SHLD2: variants seen among roughly 807,000 people sequenced by gnomAD.
The protein encoded by SHLD2 is shieldin complex subunit 2.
Under a neutral mutation model 73.2 loss-of-function variants are expected in SHLD2, and 30 were observed. The ratio of observed to expected loss-of-function variants is 0.41; its 90% CI spans 0.31 to 0.56. The LOEUF is 0.56. SHLD2 is among the 20% of genes least tolerant of loss of function. The probability of loss-of-function intolerance (pLI) is 0.28; values close to 1 mark genes in which losing one functional copy is unlikely to be tolerated. For missense variants in SHLD2, 745 were observed against 1,055.9 expected, an observed-to-expected ratio of 0.71 and a Z score of 4.08; for synonymous variants, 285 against 370.1, an observed-to-expected ratio of 0.77 and a Z score of 2.64.
intron 2 of SHLD2, among the ~76,000 whole-genome samples, chr10:87,141,397 A>G (rs1388517652): frequency 1.3e-5 from 2 of 149,164 alleles, no homozygotes; most frequent in African/African-American, 2.5e-5. Flanking sequence ...CTGGAGTGCA[A>G]TGGCATAGTC....
intron 2 of SHLD2, among the ~76,000 whole-genome samples, chr10:87,124,831 A>G (rs1843880998): frequency 6.6e-6 from 1 of 151,094 alleles, no homozygotes; most frequent in Non-Finnish European, 1.5e-5. Flanking sequence ...GGCAGCCTGA[A>G]CCTCCTGGGC....
intron 2 of SHLD2, among the ~76,000 whole-genome samples, chr10:87,132,136 G>A (rs1844472134): frequency 6.6e-6 from 1 of 152,082 alleles, no homozygotes; most frequent in Non-Finnish European, 1.5e-5. Flanking sequence ...TTAGATACAT[G>A]ATTTTCAAAT....
intron 7 of SHLD2, among the ~76,000 whole-genome samples, chr10:87,178,012 G>C (rs1482662167): frequency 6.6e-6 from 1 of 151,880 alleles, no homozygotes; most frequent in African/African-American, 2.4e-5. Context: ...GAGGTGGGTG[G>C]ATCATTTGAG....
intron 9 of SHLD2, among the ~76,000 whole-genome samples, chr10:87,188,384 C>A (rs529679560): frequency 1.3e-5 from 2 of 152,112 alleles, no homozygotes; most frequent in Non-Finnish European, 2.9e-5. Flanking sequence ...TGTACTGGTT[C>A]CTCACCTGTA....
chr10:87,135,712 G>T (rs571128133), intron 2 of SHLD2, among the ~76,000 whole-genome samples: 2 of 148,764 alleles, frequency 1.3e-5, no homozygotes, highest in East Asian at 3.9e-4. Context: ...TATTGCCTAG[G>T]CTGGTCTTGA....
At chr10:87,163,596 A>G (rs1052593510) in intron 4 of SHLD2, among the ~76,000 whole-genome samples, 2 of 151,178 alleles carry the variant, frequency 1.3e-5, no homozygotes, top group Non-Finnish European at 2.9e-5. Context: ...ATCTAGTTAG[A>G]AATATGTTTC....
At chr10:87,095,150 A>G (rs1430367356), upstream of SHLD2, 1 of 23,014 alleles carries the variant, frequency 4.3e-5, no homozygotes, top group Non-Finnish European at 9.1e-5. Context: ...CGGGAGGGGC[A>G]GGGAGGGGAA....
At chr10:87,121,002 A>T (rs1217193775) in intron 2 of SHLD2, among the ~76,000 whole-genome samples, 1 of 152,114 alleles carries the variant, frequency 6.6e-6, no homozygotes, top group Non-Finnish European at 1.5e-5. Flanking sequence ...GTGAGCCGAC[A>T]TTGCGCCATT....
chr10:87,170,561 C>T lies in SHLD2; in HGVS notation c.1717C>T (p.Pro573Ser), dbSNP rs766168388. ...ACATTCCTACCTCAGAGATCTTCCT[C>T]CGAGGCAGCCTCAGAGGGTGAACAG... ...SKHSYLRDLP[P>S]RQPQRVNSID... Residue 573 changes from proline to serine, a missense_variant, in exon 5 of 10, where the codon CCG (proline) becomes TCG (serine). Transcript: ENST00000298786. 1.9e-6 allele frequency: 3 copies of T among 1,613,642 alleles called. No individual in the cohort carries two copies. Among genetic ancestry groups the T allele is most frequent in the East Asian group, 4.5e-5 (2 of 44,870 alleles).
At chr10:87,103,226 TAATA>T (rs1252731590) in intron 2 of SHLD2, among the ~76,000 whole-genome samples, 4 of 152,132 alleles carry the variant, frequency 2.6e-5, no homozygotes, top group African/African-American at 4.8e-5. Flanking sequence ...AAATTTTTTT[TAATA>T]AATAAATAAA....
At position 87,159,300 on chromosome 10, in the gene SHLD2, A is replaced by G. The variant is rs1846649319; in HGVS notation, c.1633+1145A>G. On this transcript the variant is annotated intron_variant, in intron 4 of 9. Coordinates refer to ENST00000298786, the MANE Select transcript of SHLD2 (RefSeq NM_001330112.2). ...ATATACTAGGGTGGCCCATCAGCAG[A>G]AAACCAACTCTGACATATTTCATAG... is the stretch of plus-strand genomic sequence containing the variant. Among the ~76,000 whole-genome samples, 4 of 152,192 alleles carry G rather than the reference A, an allele frequency of 2.6e-5. No homozygotes were observed. The South Asian group carries it at 8.3e-4, about 31-fold the overall frequency.
At chr10:87,187,950 A>G (rs1395761110) in intron 9 of SHLD2, among the ~76,000 whole-genome samples, 1 of 152,036 alleles carries the variant, frequency 6.6e-6, no homozygotes, top group Non-Finnish European at 1.5e-5. Context: ...CTGGTTTCAA[A>G]TTATCTTGTG....
At chr10:87,137,654 A>G (rs1397000142) in intron 2 of SHLD2, among the ~76,000 whole-genome samples, 2 of 152,252 alleles carry the variant, frequency 1.3e-5, no homozygotes, top group East Asian at 1.9e-4. Context: ...TGAAGAGACA[A>G]TGCTCAGGAA....
chr10:87,171,443 G>A (rs1263144322), intron 6 of SHLD2, among the ~76,000 whole-genome samples: 2 of 152,082 alleles, frequency 1.3e-5, no homozygotes, highest in African/African-American at 4.8e-5. Context: ...AGCATGCACT[G>A]TTAGCCATCC....
chr10:87,144,937 CTTTTT>C (rs1178507966), intron 2 of SHLD2, among the ~76,000 whole-genome samples: 2 of 72,024 alleles, frequency 2.8e-5, no homozygotes, highest in Admixed American at 1.9e-4. Flanking sequence ...GCCTGTAATT[CTTTTT>C]TTTTTTTTTT....
At chr10:87,144,634 T>C (rs1396041075) in intron 2 of SHLD2, among the ~76,000 whole-genome samples, 1 of 118,684 alleles carries the variant, frequency 8.4e-6, no homozygotes. Context: ...TTTTTTTTTT[T>C]TTTTTTTTTT....
At chr10:87,097,811 G>A (rs1447466366) in intron 2 of SHLD2, among the ~76,000 whole-genome samples, 4 of 152,060 alleles carry the variant, frequency 2.6e-5, no homozygotes, top group African/African-American at 9.7e-5. Flanking sequence ...CCATGCTGGA[G>A]TGCAGTGGTG....
chr10:87,097,657 A>C (rs61545267), intron 2 of SHLD2, among the ~76,000 whole-genome samples: 1 of 150,088 alleles, frequency 6.7e-6, no homozygotes, highest in Non-Finnish European at 1.5e-5. Context: ...GGAAATTACT[A>C]TTTTTTTTTT....
chr10:87,110,703 A>G (rs1225861023), intron 2 of SHLD2, among the ~76,000 whole-genome samples: 1 of 152,130 alleles, frequency 6.6e-6, no homozygotes, highest in Non-Finnish European at 1.5e-5. Flanking sequence ...TGGATCAAAG[A>G]CCTAAATATA....
Sources: gnomAD v4.1 joint callset for allele counts (sites outside exome capture counted in the v4.1 genomes callset) on GRCh38, gnomAD v4.1.1 for gene constraint, MANE v1.5 for transcripts, NCBI Gene and HGNC (gene_info 2026-07-23, HGNC 2026-07-21) for gene names.